Variants in DPP10 observed in about 807,000 individuals in gnomAD.
The protein encoded by DPP10 is inactive dipeptidyl peptidase 10.
DPP10 carries 33 observed loss-of-function variants against 120.9 expected under a neutral mutation model. The observed-to-expected ratio is 0.27, with a 90% CI of 0.21 to 0.37. The LOEUF (loss-of-function observed/expected upper bound fraction) is 0.37. Ranked by LOEUF, DPP10 falls within the 10% of genes least tolerant of loss-of-function variation. The probability of loss-of-function intolerance (pLI) is 1.00; values close to 1 mark genes in which losing one functional copy is unlikely to be tolerated. For synonymous variants in DPP10, 337 were observed against 326.1 expected, an observed-to-expected ratio of 1.03 and a Z score of -0.36; for missense variants, 816 against 942.8, an observed-to-expected ratio of 0.87 and a Z score of 1.76.
In DPP10 at chr2:115,803,944, A is replaced by C. The variant is rs571248463; in HGVS notation, c.1701-10849A>C. On this transcript the variant is annotated intron_variant, in intron 19 of 25. Coordinates refer to ENST00000410059, the MANE Select transcript of DPP10 (RefSeq NM_020868.6). Reference sequence around the variant, plus strand: ...TCTTCTCGAGCAGTATCTTTGTGGCATTCTCTGTATTTCCTGAATCTGAAT... The same window carrying C: ...TCTTCTCGAGCAGTATCTTTGTGGCCTTCTCTGTATTTCCTGAATCTGAAT... Among the ~76,000 whole-genome samples the C allele has an allele frequency of 9.2e-5, 14 of 152,076 alleles. 1 individual carries two copies. In the South Asian group the frequency reaches 2.9e-3, roughly 32 times the overall value.
intron 1 of DPP10, among the ~76,000 whole-genome samples, chr2:114,916,448 G>A (rs915857550): frequency 6.6e-6 from 1 of 152,076 alleles, no homozygotes; most frequent in Non-Finnish European, 1.5e-5. Flanking sequence ...TCAAAGAGGA[G>A]GTATTACTCT....
intron 2 of DPP10, among the ~76,000 whole-genome samples, chr2:115,319,542 G>A (rs1198056023): frequency 6.6e-6 from 1 of 152,074 alleles, no homozygotes; most frequent in Admixed American, 6.6e-5. Context: ...GAAGGTTTTT[G>A]ATTAATGATT....
intron 5 of DPP10, among the ~76,000 whole-genome samples, chr2:115,662,399 A>G (rs1055557477): frequency 6.6e-6 from 1 of 151,518 alleles, no homozygotes; most frequent in Non-Finnish European, 1.5e-5. Context: ...AGGTTGTTGT[A>G]TCATAAGATA....
At chr2:115,505,023 T>C (rs1221709384) in intron 4 of DPP10, among the ~76,000 whole-genome samples, 1 of 152,068 alleles carries the variant, frequency 6.6e-6, no homozygotes, top group Non-Finnish European at 1.5e-5. Flanking sequence ...TATTATTTTT[T>C]ACCCTCAATT....
At chr2:115,011,551 G>A (rs777926002) in intron 1 of DPP10, among the ~76,000 whole-genome samples, 8 of 152,050 alleles carry the variant, frequency 5.3e-5, no homozygotes, top group Non-Finnish European at 1.0e-4. Context: ...TATTAAGATA[G>A]CCCACACAGC....
intron 1 of DPP10, among the ~76,000 whole-genome samples, chr2:115,257,289 T>C (rs2059044294): frequency 6.6e-6 from 1 of 152,192 alleles, no homozygotes; most frequent in Non-Finnish European, 1.5e-5. Context: ...TATTAGGACA[T>C]TCTCGTGTTG....
intron 1 of DPP10, among the ~76,000 whole-genome samples, chr2:114,896,046 A>T (rs1380741362): frequency 6.6e-6 from 1 of 152,062 alleles, no homozygotes; most frequent in Non-Finnish European, 1.5e-5. Flanking sequence ...ATAGTTGTAG[A>T]TATGCAGCAT....
chr2:115,222,419 C>T (rs1356508137), intron 1 of DPP10, among the ~76,000 whole-genome samples: 1 of 152,106 alleles, frequency 6.6e-6, no homozygotes, highest in Non-Finnish European at 1.5e-5. Flanking sequence ...GGCAGGTCTT[C>T]TCATGCTGCT....
intron 11 of DPP10, among the ~76,000 whole-genome samples, chr2:115,760,317 A>G (rs1679959917): frequency 2.0e-5 from 3 of 152,214 alleles, no homozygotes; most frequent in Non-Finnish European, 4.4e-5. Flanking sequence ...CACACTACAG[A>G]GTACATAATA....
chr2:114,751,208 A>G (rs560082472), intron 1 of DPP10, among the ~76,000 whole-genome samples: 40 of 152,318 alleles, frequency 2.6e-4, no homozygotes, highest in African/African-American at 9.4e-4. Context: ...TGACCTATAC[A>G]AATTATCATG....
At chr2:114,702,167 T>A (rs565479683) in intron 1 of DPP10, among the ~76,000 whole-genome samples, 1 of 152,256 alleles carries the variant, frequency 6.6e-6, no homozygotes, top group Admixed American at 6.5e-5. Context: ...GTATTTTTGT[T>A]CTCAGAATTT....
intron 7 of DPP10, among the ~76,000 whole-genome samples, chr2:115,691,578 CTAAGACAA>C (rs1257873329): frequency 6.6e-6 from 1 of 152,000 alleles, no homozygotes; most frequent in Non-Finnish European, 1.5e-5. Flanking sequence ...TATTAGTGTG[CTAAGACAA>C]CAGTATCTTA....
chr2:115,379,495 A>C (rs1020230599), intron 3 of DPP10, among the ~76,000 whole-genome samples: 1 of 152,056 alleles, frequency 6.6e-6, no homozygotes, highest in African/African-American at 2.4e-5. Flanking sequence ...GATCCTTTCA[A>C]AAAACCAGCT....
At position 115,218,234 on chromosome 2, in the gene DPP10, C is replaced by G. The variant is rs116646957; in HGVS notation, c.61-91005C>G. ...AAATGCTTCTTTAATCCCCTTGTAACTTTGCTGTAAAAATTGAACTCAAGA... is the reference window on the plus strand; with the variant it reads ...AAATGCTTCTTTAATCCCCTTGTAAGTTTGCTGTAAAAATTGAACTCAAGA... On this transcript the variant is annotated intron_variant, in intron 1 of 25. Transcript: ENST00000410059. 5.6e-3 allele frequency among the ~76,000 whole-genome samples: 853 copies of G among 152,154 alleles called. 1 individual carries two copies. Among genetic ancestry groups the G allele is most frequent in the Non-Finnish European group, 8.7e-3 (593 of 67,974 alleles).
intron 1 of DPP10, among the ~76,000 whole-genome samples, chr2:114,564,913 GA>G (rs1197307853): frequency 6.6e-6 from 1 of 152,184 alleles, no homozygotes; most frequent in Non-Finnish European, 1.5e-5. Flanking sequence ...TCACTCACCA[GA>G]AAAGTTTTGT....
chr2:115,481,417 A>G (rs564296257), intron 3 of DPP10, among the ~76,000 whole-genome samples: 1 of 152,284 alleles, frequency 6.6e-6, no homozygotes, highest in South Asian at 2.1e-4. Flanking sequence ...AAGCTTAAGG[A>G]AGCAGTATAA....
chr2:115,642,627 C>A (rs974989357), intron 5 of DPP10, among the ~76,000 whole-genome samples: 1 of 151,968 alleles, frequency 6.6e-6, no homozygotes, highest in Admixed American at 6.6e-5. Context: ...CTCTTTCAAT[C>A]TCTCTATCTC....
chr2:115,003,057 C>T (rs1012929010), intron 1 of DPP10, among the ~76,000 whole-genome samples: 2 of 151,554 alleles, frequency 1.3e-5, no homozygotes, highest in Non-Finnish European at 2.9e-5. Context: ...AAGGAACATA[C>T]ATCTGTATGT....
chr2:114,745,043 A>G (rs899483416), intron 1 of DPP10, among the ~76,000 whole-genome samples: 2 of 152,202 alleles, frequency 1.3e-5, no homozygotes, highest in Non-Finnish European at 2.9e-5. Flanking sequence ...GACAGGCGTG[A>G]GCCACCGTGC....
Sources: gnomAD v4.1 joint callset for allele counts (sites outside exome capture counted in the v4.1 genomes callset) on GRCh38, gnomAD v4.1.1 for gene constraint, MANE v1.5 for transcripts, NCBI Gene and HGNC (gene_info 2026-07-23, HGNC 2026-07-21) for gene names.